KSR2: variants seen among roughly 807,000 people sequenced by gnomAD.
KSR2 encodes kinase suppressor of ras 2.
In KSR2, 25 loss-of-function variants were observed where a neutral mutation model predicts 107.8. The observed-to-expected ratio is 0.23, with a 90% confidence interval of 0.17 to 0.32. The LOEUF is 0.32. Ranked by LOEUF, KSR2 falls within the 10% of genes least tolerant of loss-of-function variation. KSR2 has a pLI of 1.00. For missense variants in KSR2, 887 were observed against 1,268.9 expected (o/e 0.70, Z 4.57); for synonymous variants, 480 against 507.0 (o/e 0.95, Z 0.71).
Position 117,855,439 on chromosome 12 carries a change from A to G in KSR2, c.461T>C (p.Val154Ala). 1.2e-6 allele frequency: 2 copies of G among 1,614,018 alleles called. No individual in the cohort carries two copies. Among genetic ancestry groups the G allele is most frequent in the Non-Finnish European group, 1.7e-6 (2 of 1,179,902 alleles). The change falls in exon 3 of 20, where the codon GTC becomes GCC. Residue 154 changes from valine (V) to alanine (A), a missense_variant. Coordinates refer to ENST00000339824, the MANE Select transcript of KSR2 (RefSeq NM_173598.6). Reference protein sequence around the residue: ...LNASLSCLRNVHMSGGNLSKQ... With the variant: ...LNASLSCLRNAHMSGGNLSKQ... ...CGGGGCCTGCTCACCTGACATGTGG[A>G]CATTCCTGAGGCAGGAGAGGGAGGC...
At chr12:117,804,437 C>G (rs1367250714) in intron 3 of KSR2, among the ~76,000 whole-genome samples, 1 of 152,168 alleles carries the variant, frequency 6.6e-6, no homozygotes, top group Non-Finnish European at 1.5e-5. Flanking sequence ...TCTTTACTAC[C>G]TGGTCCTTTA....
intron 4 of KSR2, among the ~76,000 whole-genome samples, chr12:117,705,726 C>A (rs1227533560): frequency 6.6e-6 from 1 of 152,194 alleles, no homozygotes; most frequent in Non-Finnish European, 1.5e-5. Flanking sequence ...GCACTTAGAA[C>A]CTGCCAGAGA....
At chr12:117,705,128 T>C (rs1207526405) in intron 4 of KSR2, among the ~76,000 whole-genome samples, 1 of 152,076 alleles carries the variant, frequency 6.6e-6, no homozygotes, top group African/African-American at 2.4e-5. Context: ...ATGAGTTCAT[T>C]ACAGTGAATG....
chr12:117,721,614 G>A (rs149617077), intron 4 of KSR2, among the ~76,000 whole-genome samples: 2 of 152,240 alleles, frequency 1.3e-5, no homozygotes, highest in African/African-American at 4.8e-5. Flanking sequence ...ACTTCCCAAC[G>A]ACCACTGCTG....
intron 5 of KSR2, among the ~76,000 whole-genome samples, chr12:117,584,741 C>T (rs1426980937): frequency 6.6e-6 from 1 of 152,170 alleles, no homozygotes; most frequent in Non-Finnish European, 1.5e-5. Flanking sequence ...ATAATAGAAA[C>T]ATCAAGTTTA....
At chr12:117,863,158 C>T (rs973866007) in intron 1 of KSR2, among the ~76,000 whole-genome samples, 3 of 152,148 alleles carry the variant, frequency 2.0e-5, no homozygotes, top group Non-Finnish European at 2.9e-5. Flanking sequence ...CTGCAGGATG[C>T]GCATGTGACC....
intron 1 of KSR2, among the ~76,000 whole-genome samples, chr12:117,905,185 AATAAC>A (rs1332627096): frequency 2.6e-5 from 4 of 152,164 alleles, no homozygotes; most frequent in South Asian, 4.1e-4. Flanking sequence ...CCATCTCAAA[AATAAC>A]ATAACATAAC....
At chr12:117,688,624 T>G (rs1885682871) in intron 4 of KSR2, among the ~76,000 whole-genome samples, 1 of 152,176 alleles carries the variant, frequency 6.6e-6, no homozygotes, top group Non-Finnish European at 1.5e-5. Context: ...CACATGCTAG[T>G]GTCTGCTCAG....
At chr12:117,855,259 C>T (rs139447733) in intron 3 of KSR2, among the ~76,000 whole-genome samples, 169 bp downstream of exon 3, 94 of 152,332 alleles carry the variant, frequency 6.2e-4, no homozygotes, top group African/African-American at 2.0e-3. Flanking sequence ...CTGGTGTCTT[C>T]CGGCCTCCAA....
At chr12:117,550,359 G>A (rs531297271) in intron 9 of KSR2, among the ~76,000 whole-genome samples, 1 of 152,278 alleles carries the variant, frequency 6.6e-6, no homozygotes, top group East Asian at 1.9e-4. Flanking sequence ...CACTGATTTG[G>A]ACATGGCGGT....
intron 5 of KSR2, among the ~76,000 whole-genome samples, chr12:117,665,246 C>T (rs573249486): frequency 1.3e-5 from 2 of 152,248 alleles, no homozygotes; most frequent in Admixed American, 6.5e-5. Flanking sequence ...AGCAGAAACG[C>T]TTTTCCTCTT....
intron 4 of KSR2, among the ~76,000 whole-genome samples, chr12:117,742,933 G>C (rs1319843865): frequency 6.6e-6 from 1 of 152,132 alleles, no homozygotes; most frequent in African/African-American, 2.4e-5. Flanking sequence ...GTCAGGATGT[G>C]AGTGATAAAC....
intron 1 of KSR2, among the ~76,000 whole-genome samples, chr12:117,899,349 C>T (rs1011304647): frequency 1.3e-5 from 2 of 152,030 alleles, no homozygotes; most frequent in South Asian, 4.2e-4. Flanking sequence ...AAAAATTAGC[C>T]AGGCGTGGTG....
intron 1 of KSR2, among the ~76,000 whole-genome samples, chr12:117,939,942 AAAACAC>A (rs748897559): frequency 6.5e-4 from 62 of 95,540 alleles, no homozygotes; most frequent in Middle Eastern, 5.3e-3. Flanking sequence ...CTCCATCTTA[AAAACAC>A]ACACACACAC....
chr12:117,944,562 GA>G (rs960958365), intron 1 of KSR2, among the ~76,000 whole-genome samples: 6 of 146,914 alleles, frequency 4.1e-5, no homozygotes, highest in Non-Finnish European at 7.5e-5. Context: ...GTAAAATCCT[GA>G]AAAAAAAAAT....
At position 117,459,951 on chromosome 12, in the gene KSR2, C is replaced by G. The variant is rs1870808040; in HGVS notation, c.*7248G>C. 1 of 152,208 alleles carries G rather than the reference C, an allele frequency of 6.6e-6. No homozygotes were observed. Among genetic ancestry groups the G allele is most frequent in the Non-Finnish European group, 1.5e-5 (1 of 68,042 alleles). 9.4% of individuals were successfully genotyped at this position (152,208 alleles called of 1,614,324 possible). A position where few individuals can be genotyped will look rare whatever the true frequency, so the allele number is the denominator to read the frequency against. On this transcript the variant is annotated 3_prime_UTR_variant, in exon 20 of 20. Coordinates refer to ENST00000339824, the MANE Select transcript of KSR2 (RefSeq NM_173598.6). ...ACCTTGTTGGAGATTCAGAAACAAG[C>G]CTGGGAAAGCTTGGGAAGAACAGCC...
At chr12:117,605,126 A>G (rs1351704906) in intron 5 of KSR2, among the ~76,000 whole-genome samples, 4 of 152,140 alleles carry the variant, frequency 2.6e-5, no homozygotes, top group Admixed American at 6.5e-5. Flanking sequence ...CTGGGCTCTC[A>G]GGGGATTTTG....
Position 117,725,630 on chromosome 12 carries a change from T to C in KSR2, c.986+35381A>G, listed in dbSNP as rs74667619. Among the ~76,000 whole-genome samples, 967 of 152,266 alleles carry C rather than the reference T, an allele frequency of 6.4e-3. 37 individuals are homozygous for C. The East Asian group carries it at 0.073, about 12-fold the overall frequency. ...AACTTTGGGATTGGCAAAGATTTCT[T>C]AGGACACAAAAAGCACTAAACATTA... On this transcript the variant is annotated intron_variant, in intron 4 of 19. Transcript: ENST00000339824.
chr12:117,814,869 A>T (rs554960208), intron 3 of KSR2, among the ~76,000 whole-genome samples: 28 of 152,182 alleles, frequency 1.8e-4, no homozygotes, highest in Non-Finnish European at 3.7e-4. Flanking sequence ...TATCTATAGG[A>T]GGAAAAATAT....
Sources: gnomAD v4.1 joint callset for allele counts (sites outside exome capture counted in the v4.1 genomes callset) on GRCh38, gnomAD v4.1.1 for gene constraint, MANE v1.5 for transcripts, NCBI Gene and HGNC (gene_info 2026-07-23, HGNC 2026-07-21) for gene names.